KITLG: variants seen among roughly 807,000 people sequenced by gnomAD.
The protein encoded by KITLG is KIT ligand, also known as c-Kit ligand.
KITLG carries 13 observed loss-of-function variants against 34.1 expected under a neutral mutation model. The ratio of observed to expected loss-of-function variants is 0.38; its 90% CI spans 0.25 to 0.61. The LOEUF is 0.61. KITLG is among the 20% of genes least tolerant of loss of function. KITLG has a pLI of 0.60. For synonymous variants in KITLG, 110 were observed against 104.0 expected (o/e 1.06, Z -0.35); for missense variants, 292 against 318.9 (o/e 0.92, Z 0.64).
chr12:88,570,138 T>G (rs1871597328), intron 1 of KITLG, among the ~76,000 whole-genome samples: 1 of 152,214 alleles, frequency 6.6e-6, no homozygotes, highest in Non-Finnish European at 1.5e-5. Context: ...TTTAAAATAT[T>G]TTAAAATCTG....
chr12:88,576,921 C>A (rs1212745910), intron 1 of KITLG, among the ~76,000 whole-genome samples: 1 of 151,976 alleles, frequency 6.6e-6, no homozygotes, highest in African/African-American at 2.4e-5. Flanking sequence ...AATTTGCTAT[C>A]TTCAAATCAG....
At chr12:88,503,766 T>A (rs1022223877) in intron 9 of KITLG, among the ~76,000 whole-genome samples, 3 of 152,174 alleles carry the variant, frequency 2.0e-5, no homozygotes, top group Non-Finnish European at 2.9e-5. Context: ...CTGTCTGCCA[T>A]GCGTTTATGT....
At chr12:88,541,993 G>A (rs746958632) in intron 2 of KITLG, among the ~76,000 whole-genome samples, 6 of 152,094 alleles carry the variant, frequency 3.9e-5, no homozygotes, top group Non-Finnish European at 5.9e-5. Context: ...GTGAGCACAG[G>A]CAAAAATGGA....
intron 6 of KITLG, among the ~76,000 whole-genome samples, chr12:88,509,732 C>T (rs1224666715): frequency 1.3e-5 from 2 of 152,136 alleles, no homozygotes; most frequent in Non-Finnish European, 2.9e-5. Flanking sequence ...CTTGTTCATG[C>T]GTGGGGCTTA....
chr12:88,572,595 T>TTATATATATATATA (rs58146008), intron 1 of KITLG, among the ~76,000 whole-genome samples: 6 of 134,914 alleles, frequency 4.4e-5, no homozygotes, highest in African/African-American at 1.6e-4. Context: ...ATATACATTA[T>TTATATATATATATA]TATATATATA....
intron 3 of KITLG, among the ~76,000 whole-genome samples, chr12:88,521,045 G>A (rs1027453098): frequency 1.3e-5 from 2 of 152,046 alleles, no homozygotes; most frequent in Non-Finnish European, 2.9e-5. Context: ...CTGAAAAATC[G>A]TGTATTTCTA....
At chr12:88,535,042 T>C (rs1011894591) in intron 2 of KITLG, among the ~76,000 whole-genome samples, 2 of 152,180 alleles carry the variant, frequency 1.3e-5, no homozygotes, top group Non-Finnish European at 2.9e-5. Context: ...AGCCCTTTCT[T>C]AAGCATAATT....
intron 3 of KITLG, among the ~76,000 whole-genome samples, chr12:88,520,957 T>C (rs1053907633): frequency 6.6e-6 from 1 of 152,198 alleles, no homozygotes; most frequent in Non-Finnish European, 1.5e-5. Context: ...TTCCACAATC[T>C]AATCCTACTC....
At chr12:88,515,112 T>C (rs534250781) in intron 6 of KITLG, among the ~76,000 whole-genome samples, 40 of 151,936 alleles carry the variant, frequency 2.6e-4, no homozygotes. Flanking sequence ...TGGAATTCTA[T>C]ACAACCAGCA....
At chr12:88,563,543 C>G (rs559914047) in intron 1 of KITLG, among the ~76,000 whole-genome samples, 6 of 152,192 alleles carry the variant, frequency 3.9e-5, no homozygotes, top group Non-Finnish European at 5.9e-5. Flanking sequence ...CATTTTCATG[C>G]TAATAATCAT....
rs1172888694 is a variant in KITLG at position 88,493,402 on chromosome 12, C to A, written c.*3817G>T. ...ACACCTTGTTATAAAATGAAAGTAC[C>A]ATTATTTTATTTTTACAAACAAAGG... On this transcript the variant is annotated 3_prime_UTR_variant, in exon 10 of 10. Coordinates refer to ENST00000644744, the MANE Select transcript of KITLG (RefSeq NM_000899.5). The A allele has an allele frequency of 6.6e-6, 1 of 151,694 alleles. No homozygotes were observed. The highest frequency in any genetic ancestry group is 1.5e-5 in the Non-Finnish European group (1 of 67,690). The allele number at this position is 151,694 out of a possible 1,614,324, so 9.4% of individuals were successfully genotyped here.
intron 1 of KITLG, among the ~76,000 whole-genome samples, chr12:88,547,913 A>T (rs542983158): frequency 1.3e-5 from 2 of 152,356 alleles, no homozygotes; most frequent in African/African-American, 4.8e-5. Flanking sequence ...TAATGAACAA[A>T]ATTCCTGCCC....
At chr12:88,565,129 G>A (rs1871403162) in intron 1 of KITLG, among the ~76,000 whole-genome samples, 1 of 152,036 alleles carries the variant, frequency 6.6e-6, no homozygotes, top group Non-Finnish European at 1.5e-5. Context: ...TCATATTTCT[G>A]TCTTTCAACT....
intron 1 of KITLG, among the ~76,000 whole-genome samples, chr12:88,561,505 C>T (rs1227409623): frequency 1.3e-5 from 2 of 152,206 alleles, no homozygotes; most frequent in Non-Finnish European, 2.9e-5. Flanking sequence ...GCTCTTAGCA[C>T]ACTCTTACTG....
intron 1 of KITLG, among the ~76,000 whole-genome samples, chr12:88,557,028 A>G (rs1871118265): frequency 6.6e-6 from 1 of 152,198 alleles, no homozygotes; most frequent in Non-Finnish European, 1.5e-5. Context: ...TCAAGGGTAT[A>G]TTACTACAGT....
At chr12:88,548,299 C>T (rs921374085) in intron 1 of KITLG, among the ~76,000 whole-genome samples, 3 of 151,930 alleles carry the variant, frequency 2.0e-5, no homozygotes, top group East Asian at 1.9e-4. Flanking sequence ...ACTAAAAATA[C>T]AAAAATTAGC....
At chr12:88,523,637 G>A (rs539790236) in intron 3 of KITLG, among the ~76,000 whole-genome samples, 15 of 152,038 alleles carry the variant, frequency 9.9e-5, no homozygotes, top group East Asian at 3.9e-4. Flanking sequence ...GGTTTTTTTC[G>A]TTGTGGCTAG....
At chr12:88,573,298 C>T (rs1871718176) in intron 1 of KITLG, among the ~76,000 whole-genome samples, 2 of 152,176 alleles carry the variant, frequency 1.3e-5, no homozygotes, top group Admixed American at 6.5e-5. Flanking sequence ...CTGTCACACT[C>T]TTCTTGGAAG....
rs182545680 is a variant in KITLG at position 88,510,098 on chromosome 12, A to G, written c.605-2961T>C. ...TACCAAAACTATTCACTGTCCAGAA[A>G]TCTTGGGAACTGACTTGTTTCATTT... On this transcript the variant is annotated intron_variant, in intron 6 of 9. Coordinates refer to ENST00000644744, the MANE Select transcript of KITLG (RefSeq NM_000899.5). 1.7e-3 allele frequency among the ~76,000 whole-genome samples: 266 copies of G among 152,308 alleles called. 2 individuals are homozygous for G. Among genetic ancestry groups the G allele is most frequent in the Middle Eastern group, 3.4e-3 (1 of 292 alleles).
Sources: allele counts gnomAD v4.1 joint callset (sites outside exome capture counted in the v4.1 genomes callset), GRCh38; gene constraint gnomAD v4.1.1; transcripts MANE v1.5; gene names NCBI Gene and HGNC (gene_info 2026-07-23, HGNC 2026-07-21).